CNTNAP2: variants seen among roughly 807,000 people sequenced by gnomAD.
CNTNAP2 encodes contactin-associated protein-like 2.
A neutral mutation model predicts 155.2 loss-of-function variants in CNTNAP2; 98 were observed. The observed-to-expected ratio is 0.63, with a 90% CI of 0.54 to 0.75. CNTNAP2 has a LOEUF of 0.75. Ranked by LOEUF, CNTNAP2 falls within the 30% of genes least tolerant of loss-of-function variation. CNTNAP2 has a pLI of 0.00. For missense variants in CNTNAP2, 1,727 were observed against 1,688.1 expected (o/e 1.02, Z -0.40); for synonymous variants, 651 against 631.2 (o/e 1.03, Z -0.47).
intron 3 of CNTNAP2, among the ~76,000 whole-genome samples, chr7:146,931,796 A>C (rs948713824): frequency 2.6e-5 from 4 of 151,540 alleles, no homozygotes; most frequent in Non-Finnish European, 5.9e-5. Flanking sequence ...CCATCAGAGA[A>C]TACTACAAAC....
chr7:146,202,353 A>G (rs1342001448), intron 1 of CNTNAP2, among the ~76,000 whole-genome samples: 1 of 152,154 alleles, frequency 6.6e-6, no homozygotes, highest in Non-Finnish European at 1.5e-5. Flanking sequence ...ATCTCCTCTT[A>G]AGGATAAAAC....
At chr7:148,334,979 G>A (rs1019214016) in intron 21 of CNTNAP2, among the ~76,000 whole-genome samples, 5 of 152,248 alleles carry the variant, frequency 3.3e-5, no homozygotes, top group African/African-American at 1.2e-4. Context: ...ACCACTCAAA[G>A]ACGGGGAAGA....
At chr7:147,763,049 G>T (rs551140151) in intron 13 of CNTNAP2, among the ~76,000 whole-genome samples, 6 of 151,864 alleles carry the variant, frequency 4.0e-5, no homozygotes, top group African/African-American at 1.5e-4. Context: ...ACCTGAAGTC[G>T]GGAGTTCGAG....
At chr7:148,413,220 C>A (rs537006102) in intron 23 of CNTNAP2, among the ~76,000 whole-genome samples, 3 of 150,492 alleles carry the variant, frequency 2.0e-5, no homozygotes, top group East Asian at 2.0e-4. Context: ...AGTGAAACCC[C>A]GTCTCTACTA....
chr7:148,409,818 G>A lies in CNTNAP2; in HGVS notation c.3796+347G>A, dbSNP rs1429018345. 5.2e-5 allele frequency among the ~76,000 whole-genome samples: 5 copies of A among 96,564 alleles called. 1 individual carries two copies. The highest frequency in any genetic ancestry group is 2.4e-4 in the East Asian group (1 of 4,190). 63.3% of individuals were successfully genotyped at this position (96,564 alleles called of 152,430 possible). On this transcript the variant is annotated intron_variant, in intron 23 of 23. Transcript: ENST00000361727. ...TGTAATCCCAGCACTTTGGGAGGCC[G>A]AGGCGGGCGGATCACAAGGTCAGGA... is the stretch of plus-strand genomic sequence containing the variant.
At chr7:147,060,732 C>A (rs974702549) in intron 4 of CNTNAP2, among the ~76,000 whole-genome samples, 1 of 152,040 alleles carries the variant, frequency 6.6e-6, no homozygotes, top group Non-Finnish European at 1.5e-5. Context: ...GGCGTGGTGG[C>A]GGGCGCCTGT....
At chr7:146,421,538 C>G (rs986314571) in intron 1 of CNTNAP2, among the ~76,000 whole-genome samples, 1 of 151,856 alleles carries the variant, frequency 6.6e-6, no homozygotes, top group African/African-American at 2.4e-5. Flanking sequence ...AGAAAATAAT[C>G]TTTTAAATGT....
chr7:147,715,548 T>A (rs531461015), intron 13 of CNTNAP2, among the ~76,000 whole-genome samples: 1 of 152,082 alleles, frequency 6.6e-6, no homozygotes, highest in Non-Finnish European at 1.5e-5. Context: ...TTTTATGGGG[T>A]TTTTTTAGTA....
chr7:147,653,295 A>G (rs1017301277), intron 13 of CNTNAP2, among the ~76,000 whole-genome samples: 1 of 152,142 alleles, frequency 6.6e-6, no homozygotes, highest in African/African-American at 2.4e-5. Flanking sequence ...CTTATGTCTA[A>G]GCCTAACACA....
At chr7:146,436,114 A>C (rs1038118666) in intron 1 of CNTNAP2, among the ~76,000 whole-genome samples, 1 of 152,172 alleles carries the variant, frequency 6.6e-6, no homozygotes, top group African/African-American at 2.4e-5. Context: ...AATATAGAAA[A>C]TACTGTTAAT....
intron 22 of CNTNAP2, among the ~76,000 whole-genome samples, chr7:148,398,132 T>G (rs1424503062): frequency 1.3e-5 from 2 of 152,174 alleles, no homozygotes; most frequent in South Asian, 4.1e-4. Context: ...TAAAAGCACT[T>G]TAGGTTTGCC....
At chr7:147,979,709 G>A (rs1184478454) in intron 15 of CNTNAP2, among the ~76,000 whole-genome samples, 1 of 151,938 alleles carries the variant, frequency 6.6e-6, no homozygotes, top group African/African-American at 2.4e-5. Context: ...TGCAACCTCC[G>A]CCTCCCAGGT....
intron 15 of CNTNAP2, among the ~76,000 whole-genome samples, chr7:148,043,028 A>G (rs35442317): frequency 6.6e-6 from 1 of 152,204 alleles, no homozygotes; most frequent in East Asian, 1.9e-4. Flanking sequence ...GACAATTTCA[A>G]ATATCAGCTT....
At chr7:147,948,453 A>G (rs1217261196) in intron 14 of CNTNAP2, among the ~76,000 whole-genome samples, 2 of 151,698 alleles carry the variant, frequency 1.3e-5, no homozygotes, top group Admixed American at 1.3e-4. Context: ...GTATACCCAG[A>G]AAATTATTTT....
At chr7:146,521,981 A>T (rs972515174) in intron 1 of CNTNAP2, among the ~76,000 whole-genome samples, 1 of 152,056 alleles carries the variant, frequency 6.6e-6, no homozygotes. Flanking sequence ...GTTTTTAGTA[A>T]TAAGAGTAAA....
At chr7:146,538,024 AATAG>A (rs1797896235) in intron 1 of CNTNAP2, among the ~76,000 whole-genome samples, 1 of 152,114 alleles carries the variant, frequency 6.6e-6, no homozygotes, top group Non-Finnish European at 1.5e-5. Context: ...CTATATTGAA[AATAG>A]ATGGTGAGTC....
At chr7:146,262,843 G>A (rs532968339) in intron 1 of CNTNAP2, among the ~76,000 whole-genome samples, 3 of 152,270 alleles carry the variant, frequency 2.0e-5, no homozygotes, top group African/African-American at 4.8e-5. Flanking sequence ...AACAAGGCAT[G>A]TGCTTACAAA....
intron 13 of CNTNAP2, among the ~76,000 whole-genome samples, chr7:147,729,050 G>C (rs537533026): frequency 6.7e-6 from 1 of 150,050 alleles, no homozygotes; most frequent in African/African-American, 2.4e-5. Flanking sequence ...TTTTGAGACA[G>C]GGTCTTGCCC....
intron 16 of CNTNAP2, among the ~76,000 whole-genome samples, chr7:148,123,679 GGAAGGAA>G (rs1804651489): frequency 8.0e-6 from 1 of 124,986 alleles, no homozygotes; most frequent in Non-Finnish European, 1.7e-5. Context: ...AAGGAAGGAA[GGAAGGAA>G]AAAGAAAGAG....
Sources: gnomAD v4.1 joint callset for allele counts (sites outside exome capture counted in the v4.1 genomes callset) on GRCh38, gnomAD v4.1.1 for gene constraint, MANE v1.5 for transcripts, NCBI Gene and HGNC (gene_info 2026-07-23, HGNC 2026-07-21) for gene names.